The following ARHGEF38 variants were observed in gnomAD, a reference collection of about 807,000 sequenced individuals.
ARHGEF38 encodes the protein Rho guanine nucleotide exchange factor 38, also known as Rho guanine nucleotide exchange factor (GEF) 38.
Under a neutral mutation model 79.9 loss-of-function variants are expected in ARHGEF38, and 79 were observed. The observed-to-expected ratio is 0.99, with a 90% CI of 0.82 to 1.19. The LOEUF (loss-of-function observed/expected upper bound fraction) is 1.19, where lower values mean the gene tolerates loss of function less well. Among genes scored for constraint, ARHGEF38 ranks in the 50% most tolerant of loss-of-function variants. The pLI, the probability that ARHGEF38 is intolerant of heterozygous loss-of-function variation, is 0.00. For missense variants in ARHGEF38, 962 were observed against 907.2 expected (o/e 1.06, Z -0.78); for synonymous variants, 366 against 328.3 (o/e 1.11, Z -1.24).
intron 1 of ARHGEF38, among the ~76,000 whole-genome samples, chr4:105,574,608 T>C (rs920045697): frequency 2.6e-5 from 4 of 151,920 alleles, no homozygotes; most frequent in Admixed American, 1.3e-4. Context: ...TTTCTGATCT[T>C]AGAAGAGAAG....
At chr4:105,629,254 G>A (rs1413727079) in intron 3 of ARHGEF38, among the ~76,000 whole-genome samples, 1 of 152,116 alleles carries the variant, frequency 6.6e-6, no homozygotes, top group Non-Finnish European at 1.5e-5. Context: ...TTGGGTGGCT[G>A]GGGAGGGGTA....
intron 7 of ARHGEF38, among the ~76,000 whole-genome samples, chr4:105,650,103 T>G (rs1444916069): frequency 6.6e-6 from 1 of 152,252 alleles, no homozygotes; most frequent in African/African-American, 2.4e-5. Flanking sequence ...ATAAATTTAA[T>G]CATTATTATT....
At chr4:105,681,421 G>A (rs1173285382), downstream of ARHGEF38, among the ~76,000 whole-genome samples, 1 of 152,170 alleles carries the variant, frequency 6.6e-6, no homozygotes, top group African/African-American at 2.4e-5. Context: ...GATTTGTAGA[G>A]TGAAGATTTA....
At chr4:105,562,126 C>G (rs1725662686) in intron 1 of ARHGEF38, among the ~76,000 whole-genome samples, 1 of 152,086 alleles carries the variant, frequency 6.6e-6, no homozygotes, top group Non-Finnish European at 1.5e-5. Flanking sequence ...GGCAGAGAGC[C>G]CTTCCTGCAT....
At position 105,659,048 on chromosome 4, in the gene ARHGEF38, TGGCAG is replaced by T; in HGVS notation, c.1234-4_1234del. The T allele has an allele frequency of 1.3e-6, 2 of 1,526,236 alleles. No individual in the cohort carries two copies. Among genetic ancestry groups the T allele is most frequent in the Admixed American group, 4.0e-5 (2 of 50,070 alleles). 94.5% of individuals were successfully genotyped at this position (1,526,236 alleles called of 1,614,324 possible). ...TCTGAAATGGGCTCATTTTTTCTTT[TGGCAG>T]GCATCTCACTTACAGAGACTCATCC... is the stretch of plus-strand genomic sequence containing the variant. On this transcript the variant is annotated splice_acceptor_variant and splice_polypyrimidine_tract_variant and intron_variant, in intron 9 of 13. Transcript: ENST00000420470. LOFTEE classifies it high-confidence loss of function.
chr4:105,581,904 G>C (rs1011951544), intron 1 of ARHGEF38, among the ~76,000 whole-genome samples: 1 of 151,984 alleles, frequency 6.6e-6, no homozygotes, highest in Non-Finnish European at 1.5e-5. Context: ...GGTGGCTCAC[G>C]CTTGTAATCC....
chr4:105,655,644 G>A lies in ARHGEF38; in HGVS notation c.1155G>A (p.Gln385=), dbSNP rs1191662704. The A allele has an allele frequency of 4.6e-6, 7 of 1,535,974 alleles. No individual in the cohort carries two copies. Among genetic ancestry groups the A allele is most frequent in the South Asian group, 3.6e-5 (3 of 84,024 alleles). ...CTCTGCAGAGTGTGATGGACCTTCA[G>A]GAGATTTCATACAACAAAGACGATG... ...PLALQSVMDL[Q]EISYNKDDEM... Residue 385 remains glutamine (Q), a synonymous_variant, in exon 9 of 14, where the codon CAG becomes CAA. Transcript: ENST00000420470.
chr4:105,563,909 G>T (rs182698209), intron 1 of ARHGEF38, among the ~76,000 whole-genome samples: 15 of 152,222 alleles, frequency 9.9e-5, no homozygotes, highest in African/African-American at 3.1e-4. Flanking sequence ...ATTGAATAAG[G>T]TCCATACTTC....
chr4:105,617,551 C>G (rs1728558252), intron 3 of ARHGEF38, among the ~76,000 whole-genome samples: 1 of 152,212 alleles, frequency 6.6e-6, no homozygotes, highest in East Asian at 1.9e-4. Flanking sequence ...ATGTTTGATT[C>G]TTTGAAGCAC....
chr4:105,618,417 C>T (rs1728595617), intron 3 of ARHGEF38, among the ~76,000 whole-genome samples: 1 of 152,050 alleles, frequency 6.6e-6, no homozygotes. Flanking sequence ...GTGGGCGGAT[C>T]ACGAGACCAG....
At chr4:105,564,992 C>T (rs1162535024) in intron 1 of ARHGEF38, among the ~76,000 whole-genome samples, 1 of 152,150 alleles carries the variant, frequency 6.6e-6, no homozygotes, top group Non-Finnish European at 1.5e-5. Flanking sequence ...TCTGAAGTAC[C>T]CATTTATTTA....
At position 105,667,679 on chromosome 4, in the gene ARHGEF38, C is replaced by T. The variant is rs1730803979; in HGVS notation, c.2124C>T (p.Asp708=). Residue 708 remains aspartate, a synonymous_variant, in exon 13 of 14, where the codon GAC becomes GAT. Transcript: ENST00000420470. ...TTGAAACAAATGGTACTGATGTTGACAGTTTTCAAGAAGTAGACGAACAGG... is the reference window on the plus strand; with the variant it reads ...TTGAAACAAATGGTACTGATGTTGATAGTTTTCAAGAAGTAGACGAACAGG... ...GKFETNGTDV[D]SFQEVDEQIF... 1.3e-6 allele frequency: 2 copies of T among 1,536,208 alleles called. No homozygotes were observed. The highest frequency in any genetic ancestry group is 1.7e-6 in the Non-Finnish European group (2 of 1,146,944).
intron 10 of ARHGEF38, among the ~76,000 whole-genome samples, chr4:105,659,648 C>T (rs1730482102): frequency 6.6e-6 from 1 of 152,176 alleles, no homozygotes; most frequent in African/African-American, 2.4e-5. Flanking sequence ...CCTTGCTCCA[C>T]CTGCCTGATG....
At chr4:105,554,493 A>G (rs941053721) in intron 1 of ARHGEF38, among the ~76,000 whole-genome samples, 1 of 152,168 alleles carries the variant, frequency 6.6e-6, no homozygotes, top group Non-Finnish European at 1.5e-5. Flanking sequence ...TGCTTAGGAT[A>G]ATGGCCTCCG....
At chr4:105,604,755 A>T (rs888054554) in intron 2 of ARHGEF38, among the ~76,000 whole-genome samples, 8 of 152,178 alleles carry the variant, frequency 5.3e-5, no homozygotes, top group African/African-American at 1.7e-4. Context: ...ATGTACACAC[A>T]TTCACACACA....
intron 9 of ARHGEF38, 111 bp from the exon 10 acceptor site, chr4:105,658,943 T>A (rs961030285): frequency 2.7e-4 from 246 of 925,042 alleles, no homozygotes; most frequent in Non-Finnish European, 5.8e-5. Flanking sequence ...GGTGCTTTCC[T>A]GTTTTCTTTT....
At position 105,667,221 on chromosome 4, in the gene ARHGEF38, T is replaced by C. The variant is rs1424674009; in HGVS notation, c.1782T>C (p.Asn594=). Residue 594 remains asparagine (N), a synonymous_variant, in exon 12 of 14, where the codon AAT becomes AAC. Coordinates refer to ENST00000420470, the MANE Select transcript of ARHGEF38 (RefSeq NM_001242729.2). Reference sequence around the variant, plus strand: ...TCTATCAAGCTAAGCGCAAGTGCAATGCTACACAAGAATATGACATCAATC... The same window carrying C: ...TCTATCAAGCTAAGCGCAAGTGCAACGCTACACAAGAATATGACATCAATC... ...EELYQAKRKC[N]ATQEYDINLL... 4 of 1,536,036 alleles carry C rather than the reference T, an allele frequency of 2.6e-6. No homozygotes were observed. The East Asian group carries it at 9.8e-5, about 38-fold the overall frequency.
intron 1 of ARHGEF38, 139 bp from the exon 2 acceptor site, chr4:105,589,108 AT>A (rs1480492136): frequency 4.7e-6 from 3 of 633,036 alleles, no homozygotes; most frequent in Non-Finnish European, 7.9e-6. Flanking sequence ...GAATGTCCAT[AT>A]ATCACTTCCT....
rs757267973 is a variant in ARHGEF38, at chr4:105,637,100, GAGCAACTCTTTAAGGTCCCA to G, written c.674+684_674+703del. On this transcript the variant is annotated intron_variant, in intron 5 of 13. Transcript: ENST00000420470. ...ACCAGGCACATGTTTGGCTTATGATGAGCAACTCTTTAAGGTCCCAAGCTTCTAGTGTGTGTTTGCTTGTG... is the reference window on the plus strand; with the variant it reads ...ACCAGGCACATGTTTGGCTTATGATGAGCTTCTAGTGTGTGTTTGCTTGTG... 2.0e-3 allele frequency among the ~76,000 whole-genome samples: 305 copies of G among 152,082 alleles called. 1 individual carries two copies. The highest frequency in any genetic ancestry group is 3.5e-3 in the Non-Finnish European group (241 of 67,998).
Sources: allele counts gnomAD v4.1 joint callset (sites outside exome capture counted in the v4.1 genomes callset), GRCh38; gene constraint gnomAD v4.1.1; transcripts MANE v1.5; gene names NCBI Gene and HGNC (gene_info 2026-07-23, HGNC 2026-07-21).